LINGO2: variants seen among roughly 807,000 people sequenced by gnomAD.
The protein encoded by LINGO2 is leucine-rich repeat and immunoglobulin-like domain-containing nogo receptor-interacting protein 2.
LINGO2 carries 14 observed loss-of-function variants against 30.6 expected under a neutral mutation model. The ratio of observed to expected loss-of-function variants is 0.46; its 90% confidence interval spans 0.30 to 0.72. The LOEUF (loss-of-function observed/expected upper bound fraction) is 0.72. LINGO2 is among the 30% of genes least tolerant of loss of function. LINGO2 has a pLI of 0.07. For missense variants in LINGO2, 729 were observed against 751.7 expected (o/e 0.97, Z 0.35); for synonymous variants, 317 against 288.5 (o/e 1.10, Z -1.00).
chr9:28,891,551 G>T, the LINGO2 span, among the ~76,000 whole-genome samples: 4 of 151,758 alleles, frequency 2.6e-5, no homozygotes, highest in African/African-American at 9.7e-5. Context: ...TAATAACATT[G>T]TCATTATAAT....
At chr9:28,177,223 G>C (rs1028427748) in intron 4 of LINGO2, among the ~76,000 whole-genome samples, 2 of 152,108 alleles carry the variant, frequency 1.3e-5, no homozygotes, top group Non-Finnish European at 2.9e-5. Context: ...GTAAAGGATG[G>C]TTTTTTTGAG....
chr9:28,955,911 G>C, the LINGO2 span, among the ~76,000 whole-genome samples: 2 of 152,010 alleles, frequency 1.3e-5, no homozygotes, highest in African/African-American at 4.8e-5. Flanking sequence ...GGGATTACAG[G>C]CATGAACGAC....
At chr9:28,622,608 T>A (rs531088344) in intron 1 of LINGO2, among the ~76,000 whole-genome samples, 15 of 152,068 alleles carry the variant, frequency 9.9e-5, no homozygotes, top group Non-Finnish European at 2.1e-4. Flanking sequence ...TGATGGACAC[T>A]TAGGTTGCTT....
At chr9:28,346,954 A>T (rs1376080467) in intron 3 of LINGO2, among the ~76,000 whole-genome samples, 1 of 152,134 alleles carries the variant, frequency 6.6e-6, no homozygotes, top group African/African-American at 2.4e-5. Flanking sequence ...ATAGTTTGCA[A>T]ATATTTTCTC....
At chr9:29,032,658 C>A in the LINGO2 span, among the ~76,000 whole-genome samples, 2 of 152,090 alleles carry the variant, frequency 1.3e-5, no homozygotes, top group African/African-American at 2.4e-5. Flanking sequence ...AGCATTTATA[C>A]CACATAGTTC....
intron 4 of LINGO2, among the ~76,000 whole-genome samples, chr9:28,175,941 C>T (rs1217932192): frequency 7.2e-5 from 11 of 152,130 alleles, no homozygotes; most frequent in Admixed American, 7.2e-4. Flanking sequence ...GGCAACATGC[C>T]TTTGTTTATA....
At chr9:28,210,786 G>C (rs755798820) in intron 4 of LINGO2, among the ~76,000 whole-genome samples, 18 of 149,728 alleles carry the variant, frequency 1.2e-4, no homozygotes, top group Non-Finnish European at 2.1e-4. Flanking sequence ...GTGATATTTG[G>C]AGAAATATTA....
the LINGO2 span, among the ~76,000 whole-genome samples, chr9:29,010,612 C>T: frequency 6.6e-6 from 1 of 152,114 alleles, no homozygotes; most frequent in African/African-American, 2.4e-5. Flanking sequence ...AATACAACAT[C>T]AATTTTTTTT....
the LINGO2 span, among the ~76,000 whole-genome samples, chr9:28,695,663 C>G: frequency 2.0e-5 from 3 of 147,358 alleles, no homozygotes; most frequent in African/African-American, 5.0e-5. Context: ...CACTTTCATA[C>G]AAGAAAATAC....
chr9:28,203,235 C>A (rs1284298745), intron 4 of LINGO2, among the ~76,000 whole-genome samples: 5 of 152,150 alleles, frequency 3.3e-5, no homozygotes, highest in Non-Finnish European at 7.4e-5. Flanking sequence ...CAATGTGTTA[C>A]ATAATTCATG....
intron 3 of LINGO2, among the ~76,000 whole-genome samples, chr9:28,358,003 T>C (rs566963107): frequency 9.9e-5 from 15 of 152,256 alleles, no homozygotes; most frequent in African/African-American, 3.6e-4. Flanking sequence ...AGGTATTTTA[T>C]TGCTTTAAAA....
the LINGO2 span, among the ~76,000 whole-genome samples, chr9:29,101,141 A>G: frequency 6.6e-6 from 1 of 152,172 alleles, no homozygotes; most frequent in Non-Finnish European, 1.5e-5. Context: ...AGGTCATTTA[A>G]TTTATTAGGG....
At chr9:28,819,511 A>T in the LINGO2 span, among the ~76,000 whole-genome samples, 3 of 152,108 alleles carry the variant, frequency 2.0e-5, no homozygotes, top group Non-Finnish European at 4.4e-5. Flanking sequence ...ATTTGTATGA[A>T]TTTCTTTTCC....
the LINGO2 span, among the ~76,000 whole-genome samples, chr9:29,180,677 G>GA: frequency 6.6e-6 from 1 of 152,130 alleles, no homozygotes; most frequent in South Asian, 2.1e-4. Flanking sequence ...CCCCATGAAG[G>GA]AATCACTTCT....
chr9:29,105,172 T>C, the LINGO2 span, among the ~76,000 whole-genome samples: 1 of 152,114 alleles, frequency 6.6e-6, no homozygotes, highest in African/African-American at 2.4e-5. Flanking sequence ...CAAGAGTAAA[T>C]GGACTAAGTA....
chr9:28,609,970 A>G (rs1033191806), intron 1 of LINGO2, among the ~76,000 whole-genome samples: 3 of 152,158 alleles, frequency 2.0e-5, no homozygotes, highest in African/African-American at 7.2e-5. Context: ...GTATTGTTAA[A>G]TGAAAATAGC....
At chr9:29,194,528 T>A in the LINGO2 span, among the ~76,000 whole-genome samples, 1 of 152,188 alleles carries the variant, frequency 6.6e-6, no homozygotes, top group African/African-American at 2.4e-5. Context: ...CTATCTCAGA[T>A]AGCTTTAGCC....
chr9:28,376,867 C>G (rs1331877), intron 2 of LINGO2, among the ~76,000 whole-genome samples: 142,416 of 152,214 alleles, frequency 0.94, 66,773 homozygotes, highest in South Asian at 0.98. Context: ...CCTATCAAAA[C>G]GAAGAGTTGA....
At chr9:28,194,580 A>T (rs1819942389) in intron 4 of LINGO2, among the ~76,000 whole-genome samples, 1 of 124,154 alleles carries the variant, frequency 8.1e-6, no homozygotes, top group African/African-American at 2.6e-5. Context: ...AAAAAAAAAA[A>T]TGGCTAAATT....
Sources: gnomAD v4.1 joint callset for allele counts (sites outside exome capture counted in the v4.1 genomes callset) on GRCh38, gnomAD v4.1.1 for gene constraint, MANE v1.5 for transcripts, NCBI Gene and HGNC (gene_info 2026-07-23, HGNC 2026-07-21) for gene names.